The following CSMD1 variants were observed in gnomAD, a reference collection of about 807,000 sequenced individuals.
The protein encoded by CSMD1 is CUB and Sushi multiple domains 1, also known as CUB and sushi domain-containing protein 1.
Under a neutral mutation model 417.5 loss-of-function variants are expected in CSMD1, and 213 were observed. The observed-to-expected ratio is 0.51, with a 90% CI of 0.46 to 0.57. CSMD1 has a LOEUF of 0.57. CSMD1 is among the 20% of genes least tolerant of loss of function. The pLI, the probability that CSMD1 is intolerant of heterozygous loss-of-function variation, is 0.00. For synonymous variants in CSMD1, 2,862 were observed against 1,736.8 expected (o/e 1.65, Z -16.11); for missense variants, 6,923 against 4,529.7 (o/e 1.53, Z -15.17).
intron 3 of CSMD1, among the ~76,000 whole-genome samples, chr8:4,053,239 G>T (rs915637552): frequency 6.6e-6 from 1 of 152,202 alleles, no homozygotes; most frequent in Non-Finnish European, 1.5e-5. Flanking sequence ...CGTGTGTTTA[G>T]AACTTAGACT....
At chr8:4,000,586 A>C (rs1415815565) in intron 4 of CSMD1, among the ~76,000 whole-genome samples, 1 of 152,196 alleles carries the variant, frequency 6.6e-6, no homozygotes, top group African/African-American at 2.4e-5. Flanking sequence ...GTTTTTCTTT[A>C]AACGCAAATA....
intron 7 of CSMD1, among the ~76,000 whole-genome samples, chr8:3,689,195 C>G (rs1461636481): frequency 6.6e-6 from 1 of 152,160 alleles, no homozygotes; most frequent in Non-Finnish European, 1.5e-5. Context: ...CAGGGAGCTG[C>G]ACACAAGTTC....
intron 6 of CSMD1, among the ~76,000 whole-genome samples, chr8:3,723,427 G>A (rs919191609): frequency 6.6e-6 from 1 of 152,190 alleles, no homozygotes; most frequent in Non-Finnish European, 1.5e-5. Flanking sequence ...CACTCAAGGA[G>A]GGTGCATTAT....
At chr8:4,686,114 A>C (rs1806365635) in intron 1 of CSMD1, among the ~76,000 whole-genome samples, 1 of 152,208 alleles carries the variant, frequency 6.6e-6, no homozygotes, top group Non-Finnish European at 1.5e-5. Flanking sequence ...AAGCTGTGTC[A>C]GAAAATTTGA....
chr8:3,504,434 A>G (rs762258026), intron 10 of CSMD1, among the ~76,000 whole-genome samples: 2 of 152,188 alleles, frequency 1.3e-5, no homozygotes, highest in Non-Finnish European at 2.9e-5. Context: ...CAGTGCAAGC[A>G]AGGTGTGTAC....
At chr8:4,183,982 C>T (rs532054932) in intron 3 of CSMD1, among the ~76,000 whole-genome samples, 2 of 152,210 alleles carry the variant, frequency 1.3e-5, no homozygotes, top group African/African-American at 4.8e-5. Flanking sequence ...TTCTCAGAGC[C>T]TCCGACAGTG....
At chr8:4,106,767 C>G (rs1288862753) in intron 3 of CSMD1, among the ~76,000 whole-genome samples, 1 of 152,164 alleles carries the variant, frequency 6.6e-6, no homozygotes, top group Non-Finnish European at 1.5e-5. Flanking sequence ...AGCTAGTGAT[C>G]AGCGGCCACA....
chr8:3,227,333 G>C (rs958019507), intron 27 of CSMD1, among the ~76,000 whole-genome samples: 3 of 152,130 alleles, frequency 2.0e-5, no homozygotes, highest in African/African-American at 7.2e-5. Context: ...CACGGAAGGA[G>C]GTTGCAGTGA....
Position 4,092,017 on chromosome 8 carries a change from T to C in CSMD1, c.416-59918A>G, listed in dbSNP as rs1585295839. On this transcript the variant is annotated intron_variant, in intron 3 of 69. Coordinates refer to ENST00000635120, the MANE Select transcript of CSMD1 (RefSeq NM_033225.6). The stretch of plus-strand genomic sequence containing the variant: ...AAAGTGAAGCTACTTTTACATAATA[T>C]TACGTAGCACATATCACAGGGAAGG... 2.0e-5 allele frequency among the ~76,000 whole-genome samples: 3 copies of C among 152,294 alleles called. No homozygotes were observed. The South Asian group carries it at 6.2e-4, about 32-fold the overall frequency.
chr8:3,437,219 A>T (rs1337379121), intron 12 of CSMD1, among the ~76,000 whole-genome samples: 1 of 152,168 alleles, frequency 6.6e-6, no homozygotes, highest in African/African-American at 2.4e-5. Flanking sequence ...TCTGTTGCTC[A>T]CTTGATTTGA....
In CSMD1 at chr8:3,118,530, T is replaced by G. The variant is rs756149608; in HGVS notation, c.6299A>C (p.Asn2100Thr). The G allele has an allele frequency of 4.3e-6, 7 of 1,613,840 alleles. No individual in the cohort carries two copies. The African/African-American group carries it at 5.3e-5, about 12-fold the overall frequency. Residue 2100 changes from asparagine to threonine, a missense_variant, in exon 42 of 70, where the codon AAC becomes ACC. Coordinates refer to ENST00000635120, the MANE Select transcript of CSMD1 (RefSeq NM_033225.6). ...TGATTGCCCCACGCTGTAATCCGAG[T>G]TGATCATGTACCCATTCTGAAATGG... Reference protein sequence around the residue: ...PPPFQNGYMINSDYSVGQSVS... With the variant: ...PPPFQNGYMITSDYSVGQSVS...
intron 5 of CSMD1, among the ~76,000 whole-genome samples, chr8:3,996,246 C>T (rs1393341880): frequency 6.6e-6 from 1 of 152,172 alleles, no homozygotes; most frequent in Non-Finnish European, 1.5e-5. Flanking sequence ...CCCAATACCT[C>T]TGGACTGTCC....
At chr8:4,461,959 G>T (rs937452781) in intron 2 of CSMD1, among the ~76,000 whole-genome samples, 29 of 151,944 alleles carry the variant, frequency 1.9e-4, no homozygotes, top group Admixed American at 5.9e-4. Flanking sequence ...GCCAGGATGG[G>T]CTCTATCTCC....
chr8:4,495,324 C>G (rs1007973002), intron 2 of CSMD1, among the ~76,000 whole-genome samples: 5 of 152,064 alleles, frequency 3.3e-5, no homozygotes, highest in Non-Finnish European at 5.9e-5. Context: ...GCCTGTAATC[C>G]CAGCACTTTG....
chr8:4,054,245 G>A (rs975142487), intron 3 of CSMD1, among the ~76,000 whole-genome samples: 1 of 151,790 alleles, frequency 6.6e-6, no homozygotes, highest in African/African-American at 2.4e-5. Context: ...ATGGACAAAT[G>A]ACGACTTTGA....
intron 62 of CSMD1, among the ~76,000 whole-genome samples, chr8:2,959,294 A>G (rs1563181321): frequency 6.6e-6 from 1 of 151,920 alleles, no homozygotes; most frequent in Non-Finnish European, 1.5e-5. Context: ...TTGTAGAAAT[A>G]GGGTCTTGCT....
chr8:4,005,772 A>G (rs971197977), intron 4 of CSMD1, among the ~76,000 whole-genome samples: 4 of 152,226 alleles, frequency 2.6e-5, no homozygotes, highest in Non-Finnish European at 5.9e-5. Flanking sequence ...AAACATTAAC[A>G]TCAGAATAAT....
chr8:4,140,422 T>C (rs7812365), intron 3 of CSMD1, among the ~76,000 whole-genome samples: 91,954 of 150,324 alleles, frequency 0.61, 30,699 homozygotes, highest in Middle Eastern at 0.73. Flanking sequence ...TGCTTGAACC[T>C]GGGAAGTGGA....
At chr8:4,465,604 T>C (rs1028559506) in intron 2 of CSMD1, among the ~76,000 whole-genome samples, 25 of 152,190 alleles carry the variant, frequency 1.6e-4, no homozygotes, top group African/African-American at 6.0e-4. Flanking sequence ...AGTCAGACGT[T>C]GAGGATTATT....
Sources: allele counts gnomAD v4.1 joint callset (sites outside exome capture counted in the v4.1 genomes callset), GRCh38; gene constraint gnomAD v4.1.1; transcripts MANE v1.5; gene names NCBI Gene and HGNC (gene_info 2026-07-23, HGNC 2026-07-21).